Variants in OSMR observed in about 807,000 individuals in gnomAD.
OSMR encodes oncostatin M receptor.
In OSMR, 81 loss-of-function variants were observed where a neutral mutation model predicts 99.9. That is an observed-to-expected ratio of 0.81 (90% CI 0.68 to 0.97). The LOEUF (loss-of-function observed/expected upper bound fraction) is 0.97. Among genes scored for constraint, OSMR ranks in the 50% least tolerant of loss-of-function variants. The pLI is 0.00. For synonymous variants in OSMR, 406 were observed against 410.4 expected (o/e 0.99, Z 0.13); for missense variants, 1,099 against 1,153.4 (o/e 0.95, Z 0.68).
At chr5:38,931,727 T>G in intron 15 of OSMR, 156 bp from the exon 16 acceptor site, 2 of 981,914 alleles carry the variant, frequency 2.0e-6, no homozygotes, top group Non-Finnish European at 2.4e-6. Flanking sequence ...GGTTGGCTTT[T>G]CCCCTGAAGT....
intron 2 of OSMR, among the ~76,000 whole-genome samples, chr5:38,872,343 T>C (rs919866927): frequency 6.6e-6 from 1 of 152,248 alleles, no homozygotes; most frequent in South Asian, 2.1e-4. Context: ...TTTAGACTGA[T>C]AGTTGACTCA....
At chr5:38,920,290 G>T (rs977991909) in intron 11 of OSMR, among the ~76,000 whole-genome samples, 1 of 152,184 alleles carries the variant, frequency 6.6e-6, no homozygotes, top group Non-Finnish European at 1.5e-5. Context: ...CATGTACTAT[G>T]AGAAAACCAG....
chr5:38,933,599 A>G lies in OSMR; in HGVS notation c.*155A>G. The G allele has an allele frequency of 1.3e-6, 1 of 793,394 alleles. No individual in the cohort carries two copies. The highest frequency in any genetic ancestry group is 2.2e-5 in the Admixed American group (1 of 46,122). 49.1% of individuals were successfully genotyped at this position (793,394 alleles called of 1,614,324 possible). A position where few individuals can be genotyped will look rare whatever the true frequency, so the allele number is the denominator to read the frequency against. On this transcript the variant is annotated 3_prime_UTR_variant, in exon 18 of 18. Coordinates refer to ENST00000274276, the MANE Select transcript of OSMR (RefSeq NM_003999.3). ...ACAGTCTGGCTAGGTTAAAGGCCAGAGGCTATGGAACTTAACACTCCCCAT... is the reference window on the plus strand; with the variant it reads ...ACAGTCTGGCTAGGTTAAAGGCCAGGGGCTATGGAACTTAACACTCCCCAT...
At chr5:38,872,566 A>G (rs1448499330) in intron 2 of OSMR, among the ~76,000 whole-genome samples, 1 of 152,226 alleles carries the variant, frequency 6.6e-6, no homozygotes, top group Non-Finnish European at 1.5e-5. Context: ...GTATGATTAT[A>G]GTGGAGTGAA....
At chr5:38,872,532 T>A (rs1023372353) in intron 2 of OSMR, among the ~76,000 whole-genome samples, 11 of 152,212 alleles carry the variant, frequency 7.2e-5, no homozygotes, top group Non-Finnish European at 2.9e-5. Context: ...TTAGGAAATC[T>A]AAGGAGGAAT....
At chr5:38,876,533 C>A (rs534280084) in intron 3 of OSMR, among the ~76,000 whole-genome samples, 160 bp downstream of exon 3, 2 of 152,246 alleles carry the variant, frequency 1.3e-5, no homozygotes, top group East Asian at 3.9e-4. Flanking sequence ...TGTTAATGAT[C>A]CAGGACAAAG....
rs72635266 is a variant in OSMR, at chr5:38,918,695, A to T, written c.1363-145A>T. Reference sequence around the variant, plus strand: ...ATGTCTGATTTCAGAGTTGGTTGAGAGAGTTATTTTCTCTATTAAGCTGTT... The same window carrying T: ...ATGTCTGATTTCAGAGTTGGTTGAGTGAGTTATTTTCTCTATTAAGCTGTT... On this transcript the variant is annotated intron_variant, in intron 10 of 17. Transcript: ENST00000274276. 7,681 of 1,472,824 alleles carry T rather than the reference A, an allele frequency of 5.2e-3. 146 individuals are homozygous for T. The highest frequency in any genetic ancestry group is 0.05 in the East Asian group (2,018 of 40,278). The allele number at this position is 1,472,824 out of a possible 1,614,324, so 91.2% of individuals were successfully genotyped here. A position where few individuals can be genotyped will look rare whatever the true frequency, so the allele number is the denominator to read the frequency against.
chr5:38,863,325 G>T (rs1741664024), intron 1 of OSMR, among the ~76,000 whole-genome samples: 1 of 151,932 alleles, frequency 6.6e-6, no homozygotes, highest in Admixed American at 6.6e-5. Flanking sequence ...CAGTTCATGA[G>T]GTCAAGAGAT....
At chr5:38,849,399 TTAAA>T (rs1420859347) in intron 1 of OSMR, among the ~76,000 whole-genome samples, 1 of 152,222 alleles carries the variant, frequency 6.6e-6, no homozygotes, top group Non-Finnish European at 1.5e-5. Context: ...GTTTTTATCA[TTAAA>T]TAAATTCCTG....
intron 7 of OSMR, among the ~76,000 whole-genome samples, chr5:38,896,672 T>G (rs1744539854): frequency 6.6e-6 from 1 of 152,134 alleles, no homozygotes; most frequent in Non-Finnish European, 1.5e-5. Flanking sequence ...AGCAAGGACT[T>G]CCAGTACTAT....
At chr5:38,849,755 T>C (rs1395092841) in intron 1 of OSMR, among the ~76,000 whole-genome samples, 1 of 152,256 alleles carries the variant, frequency 6.6e-6, no homozygotes, top group Non-Finnish European at 1.5e-5. Flanking sequence ...ATGACTTATC[T>C]GATTTCAAAT....
In OSMR at chr5:38,933,138, A is replaced by C. The variant is rs749962135; in HGVS notation, c.2634A>C (p.Pro878=). The change falls in exon 18 of 18, where the codon CCA becomes CCC. Residue 878 remains proline, a synonymous_variant. Transcript: ENST00000274276. The stretch of plus-strand genomic sequence containing the variant: ...CTTGTGGCCATGTTCCAGTATCCCC[A>C]AAAGCCCCAAGTATGCTGGGACTAA... The part of the protein sequence containing the change: ...SGSCGHVPVS[P]KAPSMLGLMT... 2.5e-6 allele frequency: 4 copies of C among 1,614,190 alleles called. No homozygotes were observed. The South Asian group carries it at 4.4e-5, about 18-fold the overall frequency.
At chr5:38,945,031 C>A in exon 3 of OSMR, 1 of 1,609,640 alleles carries the variant, frequency 6.2e-7, no homozygotes, top group East Asian at 2.2e-5. Context: ...TATGGATAGT[C>A]TGCTCACACC....
rs112004073 is a variant in OSMR, at chr5:38,870,448, C to T, written c.73+1331C>T. On this transcript the variant is annotated intron_variant, in intron 2 of 17. Transcript: ENST00000274276. ...CCAGGTTCAAGCAATTCTTCTGCCT[C>T]AGCCTCCTGAGTAGCTGGGATTACA... Among the ~76,000 whole-genome samples the T allele has an allele frequency of 4.8e-3, 725 of 151,066 alleles. 7 individuals are homozygous for T. Among genetic ancestry groups the T allele is most frequent in the African/African-American group, 0.017 (693 of 41,170 alleles).
At chr5:38,899,328 G>A (rs1157723764) in intron 7 of OSMR, among the ~76,000 whole-genome samples, 1 of 152,118 alleles carries the variant, frequency 6.6e-6, no homozygotes, top group Non-Finnish European at 1.5e-5. Context: ...TTTTAGGGCA[G>A]TGGGCTCCTC....
At chr5:38,923,397 T>G in intron 13 of OSMR, 143 bp downstream of exon 13, 1 of 651,902 alleles carries the variant, frequency 1.5e-6, no homozygotes, top group Non-Finnish European at 2.7e-6. Context: ...TTTTTAAAAT[T>G]ATTTTTTAAT....
intron 9 of OSMR, among the ~76,000 whole-genome samples, chr5:38,907,783 A>G (rs552198620): frequency 6.6e-6 from 1 of 152,270 alleles, no homozygotes; most frequent in East Asian, 1.9e-4. Context: ...ACCCAATGCC[A>G]CCTTGCCAGT....
chr5:38,889,440 T>C (rs1235441842), intron 7 of OSMR, among the ~76,000 whole-genome samples: 1 of 152,192 alleles, frequency 6.6e-6, no homozygotes, highest in Non-Finnish European at 1.5e-5. Context: ...TTTTTTGCTC[T>C]GGTAACTACT....
chr5:38,876,286 T>G lies in OSMR; in HGVS notation c.159T>G (p.Thr53=). 1 of 1,613,552 alleles carries G rather than the reference T, an allele frequency of 6.2e-7. No individual in the cohort carries two copies. Among genetic ancestry groups the G allele is most frequent in the Non-Finnish European group, 8.5e-7 (1 of 1,179,522 alleles). ...STRQSLHLQW[T]VHNLPYHQEL... is the part of the protein sequence containing the mutation. Reference sequence around the variant, plus strand: ...GTCAGAGTTTGCACTTACAATGGACTGTCCACAACCTTCCTTATCATCAGG... The same window carrying G: ...GTCAGAGTTTGCACTTACAATGGACGGTCCACAACCTTCCTTATCATCAGG... The change falls in exon 3 of 18, where the codon ACT becomes ACG. Residue 53 remains threonine (T), a synonymous_variant. Transcript: ENST00000274276.
Sources: gnomAD v4.1 joint callset for allele counts (sites outside exome capture counted in the v4.1 genomes callset) on GRCh38, gnomAD v4.1.1 for gene constraint, MANE v1.5 for transcripts, NCBI Gene and HGNC (gene_info 2026-07-23, HGNC 2026-07-21) for gene names.